The following CHD9 variants were observed in gnomAD, a reference collection of about 807,000 sequenced individuals.
CHD9 encodes the protein ATP-dependent chromatin remodeler CHD9.
CHD9 carries 77 observed loss-of-function variants against 316.1 expected under a neutral mutation model. That is an observed-to-expected ratio of 0.24 (90% CI 0.20 to 0.29). CHD9 has a LOEUF of 0.29. Ranked by LOEUF, CHD9 falls within the 10% of genes least tolerant of loss-of-function variation. The pLI, the probability that CHD9 is intolerant of heterozygous loss-of-function variation, is 1.00. For synonymous variants in CHD9, 1,129 were observed against 1,158.3 expected, an observed-to-expected ratio of 0.97 and a Z score of 0.51; for missense variants, 2,763 against 3,438.1, an observed-to-expected ratio of 0.80 and a Z score of 4.91.
chr16:53,177,251 T>C (rs12598925), intron 2 of CHD9, among the ~76,000 whole-genome samples: 47,896 of 152,110 alleles, frequency 0.31, 7,730 homozygotes, highest in Middle Eastern at 0.39. Context: ...CCACTGCGCC[T>C]GGCCGACACC....
intron 1 of CHD9, among the ~76,000 whole-genome samples, chr16:53,070,528 CCTTCCTCT>C (rs1464982056): frequency 3.6e-3 from 75 of 20,782 alleles, no homozygotes; most frequent in African/African-American, 0.012. Flanking sequence ...TTCCTTCCTT[CCTTCCTCT>C]CTCTCTCTCT....
intron 1 of CHD9, among the ~76,000 whole-genome samples, chr16:53,141,751 A>G (rs1159903032): frequency 6.6e-6 from 1 of 152,106 alleles, no homozygotes; most frequent in Admixed American, 6.5e-5. Flanking sequence ...TGTGTAAAAT[A>G]TGGAATACAA....
intron 1 of CHD9, among the ~76,000 whole-genome samples, chr16:53,123,885 CTTAGCATTATGTTTTCAA>C (rs2038857455): frequency 1.3e-5 from 2 of 152,144 alleles, no homozygotes; most frequent in Non-Finnish European, 1.5e-5. Context: ...GCTTTTATCA[CTTAGCATTATGTTTTCAA>C]AGTTCATCTG....
chr16:53,259,400 AT>A (rs908844750), intron 19 of CHD9, among the ~76,000 whole-genome samples: 3 of 151,662 alleles, frequency 2.0e-5, no homozygotes, highest in Non-Finnish European at 2.9e-5. Context: ...GTAGCATATA[AT>A]TTTTTTTTAG....
intron 29 of CHD9, among the ~76,000 whole-genome samples, chr16:53,294,296 T>C (rs1465614894): frequency 2.0e-5 from 3 of 152,238 alleles, no homozygotes; most frequent in Non-Finnish European, 4.4e-5. Context: ...TGTTGTTTCA[T>C]TTGCAGCACA....
At chr16:53,082,311 C>T (rs1390634770) in intron 1 of CHD9, among the ~76,000 whole-genome samples, 3 of 151,902 alleles carry the variant, frequency 2.0e-5, no homozygotes, top group Non-Finnish European at 4.4e-5. Context: ...GATCTTGGCT[C>T]ACTGCAGCCT....
chr16:53,066,096 TC>T lies in CHD9; in HGVS notation c.-165+11021del, dbSNP rs1363469349. Among the ~76,000 whole-genome samples the T allele has an allele frequency of 2.0e-5, 3 of 152,154 alleles. No homozygotes were observed. In the East Asian group the frequency reaches 5.8e-4, roughly 29 times the overall value. On this transcript the variant is annotated intron_variant, in intron 1 of 38. Transcript: ENST00000447540. ...AATTTGCTGGGGTGCTGGGGTTTGT[TC>T]CATTATCAAACAAACTGGGATTCCT...
intron 30 of CHD9, 98 bp from the exon 31 acceptor site, chr16:53,303,622 T>C: frequency 1.2e-6 from 1 of 860,328 alleles, no homozygotes; most frequent in Non-Finnish European, 1.6e-6. Context: ...ATTTTAGAAA[T>C]GGTATTGTTA....
chr16:53,193,608 A>G (rs1035136563), intron 2 of CHD9, among the ~76,000 whole-genome samples: 1 of 152,070 alleles, frequency 6.6e-6, no homozygotes, highest in Non-Finnish European at 1.5e-5. Context: ...GTCCATTCAA[A>G]TCGTTGGCCC....
chr16:53,310,862 A>G (rs963059862), intron 34 of CHD9: 8 of 145,206 alleles, frequency 5.5e-5, no homozygotes, highest in African/African-American at 1.8e-4. Context: ...AAAAACAATA[A>G]TAATAATAAT....
chr16:53,075,789 G>A (rs2034473512), intron 1 of CHD9, among the ~76,000 whole-genome samples: 2 of 152,176 alleles, frequency 1.3e-5, no homozygotes, highest in African/African-American at 2.4e-5. Context: ...GCATGAAAAT[G>A]GACTAATACA....
intron 30 of CHD9, 80 bp from the exon 31 acceptor site, chr16:53,303,640 A>T (rs1320559611): frequency 2.0e-6 from 2 of 1,018,248 alleles, no homozygotes; most frequent in African/African-American, 3.3e-5. Flanking sequence ...TTATAAATAT[A>T]TAAAGATGTA....
intron 1 of CHD9, among the ~76,000 whole-genome samples, chr16:53,075,407 T>G (rs7201965): frequency 0.67 from 102,195 of 151,444 alleles, 35,220 homozygotes; most frequent in African/African-American, 0.76. Flanking sequence ...AAATGTGAGG[T>G]CATGAGATTT....
rs558648878 is a variant in CHD9, at chr16:53,219,501, C to T, written c.1785-3143C>T. ...CTGAATCCTACGGAAAACTAACATT[C>T]AAGGCGTAGATGCAGGAAGAAGAGC... On this transcript the variant is annotated intron_variant, in intron 3 of 38. Coordinates refer to ENST00000447540, the MANE Select transcript of CHD9 (RefSeq NM_001308319.2). 7.9e-4 allele frequency among the ~76,000 whole-genome samples: 121 copies of T among 152,236 alleles called. 1 individual carries two copies. Among genetic ancestry groups the T allele is most frequent in the Non-Finnish European group, 1.4e-3 (92 of 68,018 alleles).
At chr16:53,103,160 T>TAA (rs869224309) in intron 1 of CHD9, among the ~76,000 whole-genome samples, 1 of 14,396 alleles carries the variant, frequency 6.9e-5, no homozygotes, top group Admixed American at 3.7e-4. Flanking sequence ...CCTGTCTCTT[T>TAA]AAAAAAAAAA....
At chr16:53,239,089 G>A (rs1021744364) in intron 12 of CHD9, among the ~76,000 whole-genome samples, 1 of 152,088 alleles carries the variant, frequency 6.6e-6, no homozygotes, top group Non-Finnish European at 1.5e-5. Context: ...TACCAAAACA[G>A]GTATACCTCC....
At chr16:53,266,578 T>C (rs1371305411) in intron 20 of CHD9, among the ~76,000 whole-genome samples, 1 of 152,284 alleles carries the variant, frequency 6.6e-6, no homozygotes, top group South Asian at 2.1e-4. Flanking sequence ...CATAAAAAAT[T>C]TCATCCCAAA....
At chr16:53,205,437 A>G (rs1160753912) in intron 2 of CHD9, among the ~76,000 whole-genome samples, 1 of 152,156 alleles carries the variant, frequency 6.6e-6, no homozygotes, top group East Asian at 1.9e-4. Context: ...CAAAAATACA[A>G]TTAAGTAGAT....
rs1397306845 is a variant in CHD9 at position 53,285,629 on chromosome 16, C to T, written c.5001C>T (p.His1667=). 1 of 1,607,740 alleles carries T rather than the reference C, an allele frequency of 6.2e-7. No individual in the cohort carries two copies. The highest frequency in any genetic ancestry group is 8.5e-7 in the Non-Finnish European group (1 of 1,176,692). The change falls in exon 25 of 39, where the codon CAC becomes CAT. Residue 1667 remains histidine, a synonymous_variant. Coordinates refer to ENST00000447540, the MANE Select transcript of CHD9 (RefSeq NM_001308319.2). ...ATGTTTGGGTACCAGAACCAGACCA[C>T]TCAGAAGTTCCTGCTGAGTGGTGGG... ...DIDVWVPEPD[H]SEVPAEWWDF...
Sources: gnomAD v4.1 joint callset for allele counts (sites outside exome capture counted in the v4.1 genomes callset) on GRCh38, gnomAD v4.1.1 for gene constraint, MANE v1.5 for transcripts, NCBI Gene and HGNC (gene_info 2026-07-23, HGNC 2026-07-21) for gene names.